Variants in EDDM13 observed in about 807,000 individuals in gnomAD.
EDDM13 encodes the protein epididymal protein 13.
EDDM13 carries 24 observed loss-of-function variants against 17.8 expected under a neutral mutation model. The ratio of observed to expected loss-of-function variants is 1.35; its 90% CI spans 0.98 to 1.90. The LOEUF (loss-of-function observed/expected upper bound fraction) is 1.90, where lower values mean the gene tolerates loss of function less well. Ranked by LOEUF, EDDM13 falls within the 40% of genes most tolerant of loss-of-function variation. The pLI is 0.00. For missense variants in EDDM13, 97 were observed against 100.8 expected, an observed-to-expected ratio of 0.96 and a Z score of 0.16; for synonymous variants, 31 against 37.5, an observed-to-expected ratio of 0.83 and a Z score of 0.63.
In EDDM13 at chr19:56,302,516, T is replaced by TC. The variant is rs1568725765; in HGVS notation, c.423+423dup. Among the ~76,000 whole-genome samples, 24 of 70,550 alleles carry TC rather than the reference T, an allele frequency of 3.4e-4. 1 individual carries two copies. Among genetic ancestry groups the TC allele is most frequent in the African/African-American group, 1.5e-3 (24 of 15,674 alleles). 46.3% of individuals were successfully genotyped at this position (70,550 alleles called of 152,430 possible). ...TCTTCCCTCTCTGCCCTTCTTTCCT[T>TC]CCTCCCTCCCTCCCTCTTCTTCCTC... is the stretch of plus-strand genomic sequence containing the variant. On this transcript the variant is annotated intron_variant, in intron 13 of 14. Transcript: ENST00000649256.
At chr19:56,284,251 G>T in intron 5 of EDDM13, 45 bp downstream of exon 5, 5 of 924,340 alleles carry the variant, frequency 5.4e-6, no homozygotes, top group Non-Finnish European at 6.5e-6. Context: ...TGTGCACTTT[G>T]GCGGGAAATT....
At chr19:56,274,306 T>C (rs1446222545) in intron 1 of EDDM13, among the ~76,000 whole-genome samples, 1 of 151,868 alleles carries the variant, frequency 6.6e-6, no homozygotes, top group Non-Finnish European at 1.5e-5. Flanking sequence ...ATACAAAAAT[T>C]ATCCAGGCAT....
At chr19:56,303,227 C>T (rs575081973) in intron 13 of EDDM13, among the ~76,000 whole-genome samples, 4 of 152,238 alleles carry the variant, frequency 2.6e-5, no homozygotes, top group Admixed American at 2.0e-4. Context: ...CGCTTGTCAT[C>T]GCAGCACTGT....
intron 13 of EDDM13, among the ~76,000 whole-genome samples, chr19:56,303,647 T>G (rs1009075754): frequency 3.9e-5 from 6 of 151,986 alleles, no homozygotes; most frequent in Non-Finnish European, 8.8e-5. Flanking sequence ...TGCTGGGGAC[T>G]CAGAGAAGAA....
intron 1 of EDDM13, among the ~76,000 whole-genome samples, 189 bp from the exon 2 acceptor site, chr19:56,275,903 C>T (rs966291458): frequency 6.6e-6 from 1 of 152,148 alleles, no homozygotes; most frequent in Non-Finnish European, 1.5e-5. Flanking sequence ...ATGGACTTAT[C>T]GATGGATGGA....
At chr19:56,297,071 A>G (rs1290599328) in intron 11 of EDDM13, among the ~76,000 whole-genome samples, 1 of 150,824 alleles carries the variant, frequency 6.6e-6, no homozygotes, top group African/African-American at 2.4e-5. Flanking sequence ...CTCTGTCTCA[A>G]AAAAAAAAAG....
At chr19:56,276,468 T>C (rs1439531366) in intron 2 of EDDM13, among the ~76,000 whole-genome samples, 1 of 151,092 alleles carries the variant, frequency 6.6e-6, no homozygotes, top group Non-Finnish European at 1.5e-5. Flanking sequence ...TTAGGGCCAC[T>C]GAACACGCGA....
intron 13 of EDDM13, among the ~76,000 whole-genome samples, chr19:56,303,207 C>A (rs185829113): frequency 2.6e-5 from 4 of 152,092 alleles, no homozygotes; most frequent in African/African-American, 7.2e-5. Context: ...AGGCCGGGCA[C>A]GGTGGCTCAC....
intron 13 of EDDM13, among the ~76,000 whole-genome samples, chr19:56,304,071 A>G (rs1296273936): frequency 6.6e-6 from 1 of 152,114 alleles, no homozygotes; most frequent in Non-Finnish European, 1.5e-5. Context: ...ATCCCTTCTG[A>G]GTTATCAAAG....
rs183781776 is a variant in EDDM13, at chr19:56,285,202, C to T, written c.154+178C>T. Among the ~76,000 whole-genome samples, 226 of 152,310 alleles carry T rather than the reference C, an allele frequency of 1.5e-3. 4 individuals carry two copies. In the South Asian group the frequency reaches 0.033, roughly 22 times the overall value. ...AAATCTTTATTGCTATATAAGGTTA[C>T]AGCTAGAATTTTGCCTAATAATTAT... On this transcript the variant is annotated intron_variant, in intron 6 of 14. Transcript: ENST00000649256.
At chr19:56,302,600 CTT>C (rs2040395625) in intron 13 of EDDM13, among the ~76,000 whole-genome samples, 1 of 70,940 alleles carries the variant, frequency 1.4e-5, no homozygotes, top group African/African-American at 4.9e-5. Context: ...TCCTCTCCCT[CTT>C]CTTCCTCTCC....
chr19:56,284,890 C>T lies in EDDM13; in HGVS notation c.128-108C>T, dbSNP rs547366772. ...TCATGACTGAGGCATTATAGCCACACTTCCTGAAGAAGAGTTTGTTACATC... is the reference window on the plus strand; with the variant it reads ...TCATGACTGAGGCATTATAGCCACATTTCCTGAAGAAGAGTTTGTTACATC... On this transcript the variant is annotated intron_variant, in intron 5 of 14. Coordinates refer to ENST00000649256, the MANE Select transcript of EDDM13 (RefSeq NM_001354658.2). The T allele has an allele frequency of 9.8e-6, 4 of 409,214 alleles. No individual in the cohort carries two copies. The South Asian group carries it at 3.1e-4, about 31-fold the overall frequency. The allele number at this position is 409,214 out of a possible 1,614,324, so 25.3% of individuals were successfully genotyped here.
chr19:56,281,695 A>G lies in EDDM13; in HGVS notation c.106A>G (p.Asn36Asp). ...PREVATKEKI[N>D]LLKGIIGLMS... ...CCTGGCTCTGCTGCCCCTTCCAGTC[A>G]ACTGTAAGTCATATCTCCTTCTCCC... Residue 36 changes from asparagine to aspartate, a missense_variant and splice_region_variant, in exon 3 of 15, where the codon AAC becomes GAC. By Grantham distance (23) the Asn-to-Asp change is conservative (BLOSUM62 1). Transcript: ENST00000649256. The G allele has an allele frequency of 1.0e-6, 1 of 985,318 alleles. No individual in the cohort carries two copies. The highest frequency in any genetic ancestry group is 1.2e-6 in the Non-Finnish European group (1 of 829,864). 61.0% of individuals were successfully genotyped at this position (985,318 alleles called of 1,614,324 possible).
intron 4 of EDDM13, chr19:56,283,276 G>A (rs1558357): frequency 0.78 from 118,892 of 152,062 alleles, 47,938 homozygotes; most frequent in Non-Finnish European, 0.89. Context: ...TTATTATTAC[G>A]TACTTCATAT....
chr19:56,300,376 G>A (rs1269097088), intron 12 of EDDM13, among the ~76,000 whole-genome samples: 1 of 152,112 alleles, frequency 6.6e-6, no homozygotes, highest in East Asian at 1.9e-4. Flanking sequence ...CTTGGTTATT[G>A]GGATAGCCAA....
chr19:56,302,089 G>A lies in EDDM13; in HGVS notation c.417G>A (p.Gly139=). 3 of 1,231,818 alleles carry A rather than the reference G, an allele frequency of 2.4e-6. No homozygotes were observed. Among genetic ancestry groups the A allele is most frequent in the Non-Finnish European group, 3.0e-6 (3 of 988,028 alleles). The allele number at this position is 1,231,818 out of a possible 1,614,324, so 76.3% of individuals were successfully genotyped here. A position where few individuals can be genotyped will look rare whatever the true frequency, so the allele number is the denominator to read the frequency against. Residue 139 remains glycine, a synonymous_variant, in exon 13 of 15, where the codon GGG becomes GGA. Coordinates refer to ENST00000649256, the MANE Select transcript of EDDM13 (RefSeq NM_001354658.2). ...MTYLFVSYNK[G]DWCYCHYCNL... ...ACCTCTTCGTATCCTACAACAAAGG[G>A]GACTGGGTAAGAAGAAGGCAGCACG...
intron 9 of EDDM13, among the ~76,000 whole-genome samples, chr19:56,294,488 C>CA (rs1568711885): frequency 6.6e-6 from 1 of 152,162 alleles, no homozygotes; most frequent in Non-Finnish European, 1.5e-5. Context: ...GATCAATCAG[C>CA]ATTTTTTTTT....
At chr19:56,298,979 A>C (rs193250351) in intron 12 of EDDM13, among the ~76,000 whole-genome samples, 10 of 152,368 alleles carry the variant, frequency 6.6e-5, no homozygotes, top group Admixed American at 5.2e-4. Flanking sequence ...CATGTTAAAC[A>C]ATCATGACTA....
At chr19:56,301,648 C>A (rs2040239567) in intron 12 of EDDM13, among the ~76,000 whole-genome samples, 1 of 152,220 alleles carries the variant, frequency 6.6e-6, no homozygotes, top group South Asian at 2.1e-4. Flanking sequence ...TTTACCCAGC[C>A]CCTATTCAAG....
Sources: gnomAD v4.1 joint callset for allele counts (sites outside exome capture counted in the v4.1 genomes callset) on GRCh38, gnomAD v4.1.1 for gene constraint, MANE v1.5 for transcripts, NCBI Gene and HGNC (gene_info 2026-07-23, HGNC 2026-07-21) for gene names.